The following TLE4 variants were observed in gnomAD, a reference collection of about 807,000 sequenced individuals.
The protein encoded by TLE4 is transducin-like enhancer protein 4.
TLE4 carries 8 observed loss-of-function variants against 92.8 expected under a neutral mutation model. That is an observed-to-expected ratio of 0.09 (90% confidence interval 0.05 to 0.16). The LOEUF is 0.16. Ranked by LOEUF, TLE4 falls within the 10% of genes least tolerant of loss-of-function variation. The pLI, the probability that TLE4 is intolerant of heterozygous loss-of-function variation, is 1.00. For synonymous variants in TLE4, 371 were observed against 374.1 expected (o/e 0.99, Z 0.10); for missense variants, 675 against 997.6 (o/e 0.68, Z 4.36).
At chr9:79,701,188 TTA>T (rs2069752347) in intron 8 of TLE4, among the ~76,000 whole-genome samples, 1 of 152,198 alleles carries the variant, frequency 6.6e-6, no homozygotes, top group African/African-American at 2.4e-5. Flanking sequence ...TCCAGAGTAA[TTA>T]TGTTATTAGA....
At chr9:79,583,962 T>G (rs752538464) in intron 4 of TLE4, among the ~76,000 whole-genome samples, 1 of 152,138 alleles carries the variant, frequency 6.6e-6, no homozygotes, top group Non-Finnish European at 1.5e-5. Context: ...CTGGCCTCCT[T>G]TAATAGATAA....
rs540308769 is a variant in TLE4 at position 79,702,437 on chromosome 9, T to A, written c.610-2346T>A. Among the ~76,000 whole-genome samples the A allele has an allele frequency of 9.2e-5, 14 of 152,064 alleles. 1 individual carries two copies. The highest frequency in any genetic ancestry group is 1.9e-4 in the Non-Finnish European group (13 of 68,014). On this transcript the variant is annotated intron_variant, in intron 8 of 19. Coordinates refer to ENST00000376552, the MANE Select transcript of TLE4 (RefSeq NM_007005.6). ...ATGATTGCATGCATGGTTTCAGTGG[T>A]CATGAAAACCTACTGAGTGCATTGG...
chr9:79,640,672 T>A (rs2056951263), intron 6 of TLE4, among the ~76,000 whole-genome samples: 1 of 152,118 alleles, frequency 6.6e-6, no homozygotes, highest in Admixed American at 6.6e-5. Context: ...AACACTCAGC[T>A]CCTTCTGTTC....
At chr9:79,573,336 C>T (rs1406156410) in intron 1 of TLE4, 8 of 1,084,352 alleles carry the variant, frequency 7.4e-6, no homozygotes, top group East Asian at 7.4e-5. Context: ...GACGCCATGG[C>T]GCGGGTCCCC....
intron 8 of TLE4, among the ~76,000 whole-genome samples, chr9:79,696,901 G>T (rs2068407733): frequency 6.6e-6 from 1 of 152,120 alleles, no homozygotes; most frequent in East Asian, 1.9e-4. Flanking sequence ...GAACATCCAG[G>T]AAAGAGATTT....
In TLE4 at chr9:79,667,588, G is replaced by A. The variant is rs1178561934; in HGVS notation, c.609+13513G>A. On this transcript the variant is annotated intron_variant, in intron 8 of 19. Coordinates refer to ENST00000376552, the MANE Select transcript of TLE4 (RefSeq NM_007005.6). The stretch of plus-strand genomic sequence containing the variant: ...ACACTGTGTTTTATAGTCTGTTTAC[G>A]GATGTGTATGTTTTTAAAATACTCC... 2.0e-5 allele frequency among the ~76,000 whole-genome samples: 3 copies of A among 152,022 alleles called. No homozygotes were observed. In the East Asian group the frequency reaches 5.8e-4, roughly 29 times the overall value.
Position 79,726,205 on chromosome 9 carries a change from T to C in TLE4, c.*1061T>C, listed in dbSNP as rs1027982488. ...GGGATGAGGACTTGCTTTCTTTACC[T>C]CCGGTTCTTTCCATGTCTTAGTTGG... On this transcript the variant is annotated 3_prime_UTR_variant, in exon 20 of 20. Coordinates refer to ENST00000376552, the MANE Select transcript of TLE4 (RefSeq NM_007005.6). The C allele has an allele frequency of 1.3e-5, 2 of 152,688 alleles. No homozygotes were observed. Among genetic ancestry groups the C allele is most frequent in the Non-Finnish European group, 2.9e-5 (2 of 68,052 alleles). 9.5% of individuals were successfully genotyped at this position (152,688 alleles called of 1,614,324 possible). A position where few individuals can be genotyped will look rare whatever the true frequency, so the allele number is the denominator to read the frequency against.
chr9:79,715,495 TTCACTGACCTCAGC>T (rs2074308291), intron 14 of TLE4, among the ~76,000 whole-genome samples: 1 of 152,072 alleles, frequency 6.6e-6, no homozygotes, highest in Non-Finnish European at 1.5e-5. Context: ...TTCCATTTCA[TTCACTGACCTCAGC>T]ACCAGCGGTG....
At chr9:79,694,704 A>G (rs779822613) in intron 8 of TLE4, among the ~76,000 whole-genome samples, 15 of 152,098 alleles carry the variant, frequency 9.9e-5, no homozygotes, top group Admixed American at 2.6e-4. Flanking sequence ...TCCTTAAAAA[A>G]CAAGTATTAT....
At chr9:79,659,963 A>C (rs2060296624) in intron 8 of TLE4, among the ~76,000 whole-genome samples, 1 of 152,116 alleles carries the variant, frequency 6.6e-6, no homozygotes, top group Non-Finnish European at 1.5e-5. Flanking sequence ...TAGATATCTT[A>C]CTCCCTTGAT....
At chr9:79,706,449 G>A (rs1415262635) in intron 10 of TLE4, among the ~76,000 whole-genome samples, 1 of 150,844 alleles carries the variant, frequency 6.6e-6, no homozygotes, top group Non-Finnish European at 1.5e-5. Context: ...CTCTACTGCA[G>A]TGAAGGCACA....
chr9:79,649,655 A>C (rs2058632990), intron 6 of TLE4: 3 of 372,084 alleles, frequency 8.1e-6, no homozygotes, highest in African/African-American at 6.6e-5. Context: ...TTAGCATACA[A>C]GAGGAAGAGA....
chr9:79,572,741 G>C lies in TLE4; in HGVS notation c.-50G>C, dbSNP rs1203133976. On this transcript the variant is annotated 5_prime_UTR_variant, in exon 1 of 20. Transcript: ENST00000376552. ...CCGCCTCCTCTTCGGGGTCATTAAA[G>C]CCAATGAGCCGCGCGCCTCTGCCGA... The C allele has an allele frequency of 1.3e-6, 2 of 1,584,286 alleles. No individual in the cohort carries two copies. Among genetic ancestry groups the C allele is most frequent in the South Asian group, 2.3e-5 (2 of 88,370 alleles).
At chr9:79,695,939 A>G (rs2068149424) in intron 8 of TLE4, among the ~76,000 whole-genome samples, 2 of 152,204 alleles carry the variant, frequency 1.3e-5, no homozygotes, top group African/African-American at 4.8e-5. Context: ...GGCAGGAGCT[A>G]GATGACACCT....
intron 5 of TLE4, among the ~76,000 whole-genome samples, chr9:79,622,727 T>A (rs928609942): frequency 1.3e-5 from 2 of 152,166 alleles, no homozygotes; most frequent in Non-Finnish European, 2.9e-5. Flanking sequence ...GGTGCCATAG[T>A]AGGTGCTTAA....
rs547469113 is a variant in TLE4, at chr9:79,707,680, C to T, written c.937-438C>T. ...CCTTCTGGCCTTCTTTTAATGGCAC[C>T]TGCTCTCTGCTTAGTCTCTATGACA... is the stretch of plus-strand genomic sequence containing the variant. On this transcript the variant is annotated intron_variant, in intron 11 of 19. Coordinates refer to ENST00000376552, the MANE Select transcript of TLE4 (RefSeq NM_007005.6). Among the ~76,000 whole-genome samples the T allele has an allele frequency of 5.9e-5, 9 of 152,216 alleles. No homozygotes were observed. In the South Asian group the frequency reaches 1.7e-3, roughly 28 times the overall value.
intron 8 of TLE4, among the ~76,000 whole-genome samples, chr9:79,655,819 C>T (rs1217505531): frequency 6.6e-6 from 1 of 152,088 alleles, no homozygotes; most frequent in African/African-American, 2.4e-5. Flanking sequence ...AAATATATAC[C>T]TTTAGGCAGT....
intron 17 of TLE4, among the ~76,000 whole-genome samples, 192 bp downstream of exon 17, chr9:79,722,080 G>T (rs1189963315): frequency 6.6e-6 from 1 of 152,138 alleles, no homozygotes; most frequent in Admixed American, 6.5e-5. Context: ...CAGGAGAATC[G>T]CTTGAATGCG....
chr9:79,671,761 G>GA (rs1232888043), intron 8 of TLE4, among the ~76,000 whole-genome samples: 1 of 152,016 alleles, frequency 6.6e-6, no homozygotes, highest in Admixed American at 6.6e-5. Context: ...TATCTGAAGG[G>GA]AAGGGAGTGA....
Sources: allele counts gnomAD v4.1 joint callset (sites outside exome capture counted in the v4.1 genomes callset), GRCh38; gene constraint gnomAD v4.1.1; transcripts MANE v1.5; gene names NCBI Gene and HGNC (gene_info 2026-07-23, HGNC 2026-07-21).